The following SLIT2 variants were observed in gnomAD, a reference collection of about 807,000 sequenced individuals.
SLIT2 encodes slit homolog 2 protein.
Under a neutral mutation model 185.7 loss-of-function variants are expected in SLIT2, and 41 were observed. The observed-to-expected ratio is 0.22, with a 90% CI of 0.17 to 0.29. The LOEUF is 0.29. SLIT2 is among the 10% of genes least tolerant of loss of function. SLIT2 has a pLI of 1.00. For missense variants in SLIT2, 1,571 were observed against 1,909.0 expected (o/e 0.82, Z 3.30); for synonymous variants, 693 against 680.2 (o/e 1.02, Z -0.29).
Position 20,253,973 on chromosome 4 carries a change from T to G in SLIT2, c.158T>G (p.Ile53Ser), listed in dbSNP as rs770631686. The change falls in exon 1 of 37, where the codon ATC becomes AGC. Residue 53 changes from isoleucine to serine, a missense_variant. Transcript: ENST00000504154. ...GLALRSVPRN[I>S]PRNTERLDLN... is the part of the protein sequence containing the mutation. ...GCGCTGCGCAGCGTGCCCAGGAATATCCCCCGCAACACCGAGAGACTGTGA... is the reference window on the plus strand; with the variant it reads ...GCGCTGCGCAGCGTGCCCAGGAATAGCCCCCGCAACACCGAGAGACTGTGA... 3 of 1,602,036 alleles carry G rather than the reference T, an allele frequency of 1.9e-6. 1 individual carries two copies. The South Asian group carries it at 3.3e-5, about 18-fold the overall frequency.
intron 4 of SLIT2, among the ~76,000 whole-genome samples, chr4:20,348,097 C>T (rs140346256): frequency 3.0e-4 from 46 of 152,176 alleles, no homozygotes; most frequent in African/African-American, 5.5e-4. Flanking sequence ...TATGTATTTA[C>T]GTATTTATTT....
chr4:20,614,088 G>T (rs1341458549), intron 34 of SLIT2, among the ~76,000 whole-genome samples: 2 of 152,000 alleles, frequency 1.3e-5, no homozygotes, highest in Non-Finnish European at 2.9e-5. Context: ...TGGCAGGCTG[G>T]TCTCAAACTC....
intron 30 of SLIT2, 95 bp from the exon 31 acceptor site, chr4:20,595,602 A>G (rs1727911906): frequency 6.7e-7 from 1 of 1,483,152 alleles, no homozygotes; most frequent in Non-Finnish European, 9.3e-7. Flanking sequence ...CTAAATAAGT[A>G]TTTTAAAGAT....
At chr4:20,335,894 C>T (rs1248704692) in intron 4 of SLIT2, among the ~76,000 whole-genome samples, 2 of 135,344 alleles carry the variant, frequency 1.5e-5, no homozygotes, top group Non-Finnish European at 3.1e-5. Flanking sequence ...ACATGCCCAA[C>T]ATGATGGTAT....
At chr4:20,256,181 C>G (rs1711804085) in intron 1 of SLIT2, among the ~76,000 whole-genome samples, 1 of 152,088 alleles carries the variant, frequency 6.6e-6, no homozygotes, top group Non-Finnish European at 1.5e-5. Flanking sequence ...GTTTTGATGG[C>G]ACTAATTTTT....
intron 4 of SLIT2, among the ~76,000 whole-genome samples, chr4:20,289,172 A>G (rs1450255078): frequency 1.3e-5 from 2 of 152,232 alleles, no homozygotes; most frequent in Admixed American, 6.5e-5. Flanking sequence ...TTAATATTTC[A>G]TCTGATTTTT....
intron 4 of SLIT2, among the ~76,000 whole-genome samples, chr4:20,353,051 G>A (rs995505478): frequency 1.3e-5 from 2 of 152,124 alleles, no homozygotes; most frequent in African/African-American, 2.4e-5. Context: ...TAACGGAGAA[G>A]CATCAGATGA....
At chr4:20,577,648 T>G (rs1403965874) in intron 29 of SLIT2, among the ~76,000 whole-genome samples, 2 of 152,198 alleles carry the variant, frequency 1.3e-5, no homozygotes, top group Non-Finnish European at 2.9e-5. Context: ...AGGTCCAACT[T>G]AATGAAGCTG....
intron 29 of SLIT2, chr4:20,573,378 T>G (rs567740605): frequency 1.5e-6 from 1 of 688,080 alleles, no homozygotes; most frequent in East Asian, 2.7e-5. Flanking sequence ...ATATAAAATC[T>G]GAAAACAATA....
intron 4 of SLIT2, among the ~76,000 whole-genome samples, chr4:20,424,943 TG>T (rs890464252): frequency 1.6e-4 from 24 of 152,190 alleles, no homozygotes; most frequent in Admixed American, 1.4e-3. Context: ...TATATATTTT[TG>T]GTTTACATAT....
chr4:20,412,358 C>T (rs773798156), intron 4 of SLIT2, among the ~76,000 whole-genome samples: 20 of 152,072 alleles, frequency 1.3e-4, no homozygotes, highest in South Asian at 1.2e-3. Context: ...ATTCTCTTAA[C>T]TCATTAAGTG....
chr4:20,376,941 C>A (rs1724070421), intron 4 of SLIT2, among the ~76,000 whole-genome samples: 1 of 151,972 alleles, frequency 6.6e-6, no homozygotes, highest in Non-Finnish European at 1.5e-5. Context: ...TTAATGGGTG[C>A]AGCAAACCAA....
chr4:20,292,374 G>A (rs910361834), intron 4 of SLIT2, among the ~76,000 whole-genome samples: 11 of 152,150 alleles, frequency 7.2e-5, no homozygotes, highest in Non-Finnish European at 1.6e-4. Context: ...TAAAATGAAA[G>A]TAATATTAAT....
chr4:20,271,567 T>TA (rs78889800), intron 4 of SLIT2, among the ~76,000 whole-genome samples: 2 of 149,622 alleles, frequency 1.3e-5, no homozygotes, highest in African/African-American at 2.4e-5. Flanking sequence ...GCAGAACTCA[T>TA]AAAAAAACAA....
intron 4 of SLIT2, among the ~76,000 whole-genome samples, chr4:20,304,738 C>T (rs1326620609): frequency 6.6e-6 from 1 of 152,118 alleles, no homozygotes; most frequent in Non-Finnish European, 1.5e-5. Context: ...TCCCAGCGCT[C>T]AGGCCATTTT....
rs1715213734 is a variant in SLIT2 at position 20,472,288 on chromosome 4, A to ATATC, written c.467+4468_467+4469insCTAT. ...TATAGATATATATCTATATATATAG[A>ATATC]TATATAGATATATAGATCTATATAT... On this transcript the variant is annotated intron_variant, in intron 5 of 36. Transcript: ENST00000504154. 9.4e-5 allele frequency among the ~76,000 whole-genome samples: 2 copies of ATATC among 21,232 alleles called. 1 individual carries two copies. Among genetic ancestry groups the ATATC allele is most frequent in the Admixed American group, 2.2e-3 (2 of 930 alleles). 13.9% of individuals were successfully genotyped at this position (21,232 alleles called of 152,430 possible).
intron 21 of SLIT2, among the ~76,000 whole-genome samples, chr4:20,543,142 A>G (rs1045335390): frequency 6.6e-6 from 1 of 152,134 alleles, no homozygotes; most frequent in South Asian, 2.1e-4. Flanking sequence ...TATCTGGTAT[A>G]TGGAAGAAAC....
At chr4:20,315,012 A>AATG (rs33940788) in intron 4 of SLIT2, among the ~76,000 whole-genome samples, 10 of 14,246 alleles carry the variant, frequency 7.0e-4, no homozygotes, top group Non-Finnish European at 9.4e-4. Context: ...CTGTAATAAA[A>AATG]TAATTAATTA....
intron 4 of SLIT2, among the ~76,000 whole-genome samples, chr4:20,410,405 T>G (rs2109426859): frequency 6.7e-6 from 1 of 150,202 alleles, no homozygotes; most frequent in South Asian, 2.2e-4. Flanking sequence ...CCTGCCACCA[T>G]GCCCAGCTAA....
Sources: allele counts gnomAD v4.1 joint callset (sites outside exome capture counted in the v4.1 genomes callset), GRCh38; gene constraint gnomAD v4.1.1; transcripts MANE v1.5; gene names NCBI Gene and HGNC (gene_info 2026-07-23, HGNC 2026-07-21).